TLE4: variants seen among roughly 807,000 people sequenced by gnomAD.
The protein encoded by TLE4 is TLE family member 4, transcriptional corepressor.
TLE4 carries 8 observed loss-of-function variants against 92.8 expected under a neutral mutation model. The observed-to-expected ratio is 0.09, with a 90% CI of 0.05 to 0.16. The LOEUF (loss-of-function observed/expected upper bound fraction) is 0.16, where lower values mean the gene tolerates loss of function less well. Ranked by LOEUF, TLE4 falls within the 10% of genes least tolerant of loss-of-function variation. The pLI, the probability that TLE4 is intolerant of heterozygous loss-of-function variation, is 1.00. For missense variants in TLE4, 675 were observed against 997.6 expected, an observed-to-expected ratio of 0.68 and a Z score of 4.36; for synonymous variants, 371 against 374.1, an observed-to-expected ratio of 0.99 and a Z score of 0.10.
At chr9:79,589,468 A>C (rs1168854457) in intron 4 of TLE4, among the ~76,000 whole-genome samples, 1 of 151,098 alleles carries the variant, frequency 6.6e-6, no homozygotes, top group Non-Finnish European at 1.5e-5. Context: ...TTTCACACTT[A>C]AGTTCAGCTT....
intron 6 of TLE4, 161 bp downstream of exon 6, chr9:79,627,609 G>A (rs972728101): frequency 1.5e-6 from 1 of 685,406 alleles, no homozygotes; most frequent in African/African-American, 1.8e-5. Flanking sequence ...TTTGATGGCT[G>A]CCTTAGAAAC....
At chr9:79,597,100 C>T (rs535959644) in intron 4 of TLE4, among the ~76,000 whole-genome samples, 84 of 152,062 alleles carry the variant, frequency 5.5e-4, no homozygotes, top group Non-Finnish European at 6.9e-4. Context: ...TCATTGATTC[C>T]GTACTCCCCT....
At chr9:79,684,220 G>A (rs1353946584) in intron 8 of TLE4, among the ~76,000 whole-genome samples, 2 of 152,198 alleles carry the variant, frequency 1.3e-5, no homozygotes, top group African/African-American at 4.8e-5. Flanking sequence ...TGTTGGCTGC[G>A]GTGGAAGCTT....
In TLE4 at chr9:79,709,647, A is replaced by T; in HGVS notation, c.1288A>T (p.Met430Leu). Reference protein sequence around the residue: ...PVVGFDPHHHMRVPAIPPNLT... With the variant: ...PVVGFDPHHHLRVPAIPPNLT... ...GGTGGGATTTGATCCACACCATCAC[A>T]TGCGTGTGCCAGCAATACCTCCAAA... Residue 430 changes from methionine to leucine, a missense_variant, in exon 14 of 20, where the codon ATG becomes TTG. By Grantham distance (15) the Met-to-Leu change is conservative. Coordinates refer to ENST00000376552, the MANE Select transcript of TLE4 (RefSeq NM_007005.6). 1 of 1,614,168 alleles carries T rather than the reference A, an allele frequency of 6.2e-7. No individual in the cohort carries two copies. The highest frequency in any genetic ancestry group is 8.5e-7 in the Non-Finnish European group (1 of 1,180,016).
chr9:79,634,868 T>C (rs1030884207), intron 6 of TLE4, among the ~76,000 whole-genome samples: 2 of 152,202 alleles, frequency 1.3e-5, no homozygotes, highest in African/African-American at 4.8e-5. Flanking sequence ...TGTATGGATA[T>C]ACCAGTTTAT....
At chr9:79,719,525 A>G (rs1234662969) in intron 15 of TLE4, among the ~76,000 whole-genome samples, 1 of 152,118 alleles carries the variant, frequency 6.6e-6, no homozygotes, top group Non-Finnish European at 1.5e-5. Flanking sequence ...CTCCATGATC[A>G]AGTCTTGCCT....
At chr9:79,580,215 G>A (rs868561842) in intron 4 of TLE4, 3 of 152,138 alleles carry the variant, frequency 2.0e-5, no homozygotes, top group Admixed American at 6.5e-5. Context: ...CAAATCAATC[G>A]GCATCTACTT....
rs2037296196 is a variant in TLE4, at chr9:79,575,059, TGTG to T, written c.207+125_207+127del. 3 of 712,778 alleles carry T rather than the reference TGTG, an allele frequency of 4.2e-6. No homozygotes were observed. In the South Asian group the frequency reaches 5.1e-5, roughly 12 times the overall value. 44.2% of individuals were successfully genotyped at this position (712,778 alleles called of 1,614,324 possible). On this transcript the variant is annotated intron_variant, in intron 3 of 19. Transcript: ENST00000376552. The stretch of plus-strand genomic sequence containing the variant: ...GTCACCCTGCCAGTGCAGTTGAAGT[TGTG>T]GGAATATGTCTATTAGCAACCTGTA...
chr9:79,708,929 T>C (rs1023871589), intron 13 of TLE4, 143 bp downstream of exon 13: 7 of 998,190 alleles, frequency 7.0e-6, no homozygotes, highest in Admixed American at 5.9e-5. Context: ...CCTCCTGGGC[T>C]TAAGCGATCC....
chr9:79,621,271 C>T (rs1389823049), intron 5 of TLE4, among the ~76,000 whole-genome samples: 1 of 152,060 alleles, frequency 6.6e-6, no homozygotes, highest in Non-Finnish European at 1.5e-5. Flanking sequence ...TTGGCCATAC[C>T]TGGAGTAATG....
intron 6 of TLE4, among the ~76,000 whole-genome samples, chr9:79,629,718 A>G (rs1156521235): frequency 6.6e-6 from 1 of 152,226 alleles, no homozygotes; most frequent in Non-Finnish European, 1.5e-5. Context: ...TTGCAGAAAT[A>G]GGAAAACAAA....
At chr9:79,673,964 C>A (rs946875613) in intron 8 of TLE4, among the ~76,000 whole-genome samples, 7 of 152,044 alleles carry the variant, frequency 4.6e-5, no homozygotes, top group African/African-American at 1.7e-4. Context: ...CTCAACCTGT[C>A]CCTGGGTTCA....
At chr9:79,606,184 GTTGTTTTTTTTTTTTTTTTTTTTT>G (rs1209891077) in intron 4 of TLE4, among the ~76,000 whole-genome samples, 1 of 18,374 alleles carries the variant, frequency 5.4e-5, no homozygotes, top group African/African-American at 1.6e-4. Context: ...AGCAGTAGTA[GTTGTTTTTTTTTTTTTTTTTTTTT>G]TTTTTTTTTT....
chr9:79,615,828 T>C (rs1365475137), intron 5 of TLE4, among the ~76,000 whole-genome samples: 1 of 152,224 alleles, frequency 6.6e-6, no homozygotes, highest in African/African-American at 2.4e-5. Context: ...AAAGCCAATA[T>C]ATACTTTAAT....
intron 16 of TLE4, among the ~76,000 whole-genome samples, chr9:79,721,463 T>G (rs1336168060): frequency 6.6e-6 from 1 of 152,154 alleles, no homozygotes; most frequent in Non-Finnish European, 1.5e-5. Flanking sequence ...CTTTTGTTAA[T>G]TTCAGAGATT....
At chr9:79,673,276 G>A (rs2062719062) in intron 8 of TLE4, among the ~76,000 whole-genome samples, 1 of 152,270 alleles carries the variant, frequency 6.6e-6, no homozygotes, top group East Asian at 1.9e-4. Context: ...TGTTTTGGGA[G>A]ATGTACAAAT....
chr9:79,581,181 A>AT (rs2039556894), intron 4 of TLE4, among the ~76,000 whole-genome samples: 1 of 152,224 alleles, frequency 6.6e-6, no homozygotes, highest in Admixed American at 6.5e-5. Context: ...CCTGTTTAGT[A>AT]AATCTAAATG....
intron 6 of TLE4, among the ~76,000 whole-genome samples, chr9:79,642,722 CTTCTT>C (rs1414840424): frequency 6.6e-6 from 1 of 152,016 alleles, no homozygotes; most frequent in East Asian, 1.9e-4. Context: ...TAGTTTTCTC[CTTCTT>C]TTCTTGCCAT....
intron 8 of TLE4, chr9:79,671,098 G>A (rs542183192): frequency 3.4e-6 from 1 of 296,146 alleles, no homozygotes; most frequent in Non-Finnish European, 7.2e-6. Flanking sequence ...ACATGCAGAT[G>A]GTTGAGAATT....
Sources: gnomAD v4.1 joint callset for allele counts (sites outside exome capture counted in the v4.1 genomes callset) on GRCh38, gnomAD v4.1.1 for gene constraint, MANE v1.5 for transcripts, NCBI Gene and HGNC (gene_info 2026-07-23, HGNC 2026-07-21) for gene names.